CDH2: variants seen among roughly 807,000 people sequenced by gnomAD.
CDH2 encodes the protein cadherin-2.
CDH2 carries 17 observed loss-of-function variants against 92.0 expected under a neutral mutation model. The observed-to-expected ratio is 0.18, with a 90% CI of 0.13 to 0.28. The LOEUF (loss-of-function observed/expected upper bound fraction) is 0.28, where lower values mean the gene tolerates loss of function less well. Among genes scored for constraint, CDH2 ranks in the 10% least tolerant of loss-of-function variants. CDH2 has a pLI of 1.00. For synonymous variants in CDH2, 419 were observed against 415.9 expected (o/e 1.01, Z -0.09); for missense variants, 862 against 1,133.1 (o/e 0.76, Z 3.44).
intron 2 of CDH2, among the ~76,000 whole-genome samples, chr18:28,107,154 G>A (rs1220021): frequency 0.22 from 33,016 of 151,700 alleles, 4,153 homozygotes; most frequent in East Asian, 0.33. Context: ...CAAAATCAAC[G>A]TTAATCATTT....
chr18:28,118,721 T>C (rs931445723), intron 2 of CDH2, among the ~76,000 whole-genome samples: 4 of 152,000 alleles, frequency 2.6e-5, no homozygotes, highest in African/African-American at 9.7e-5. Flanking sequence ...ACTTAGGCCG[T>C]ATACCTTAGT....
chr18:28,078,694 A>G (rs1041453291), intron 2 of CDH2, among the ~76,000 whole-genome samples: 1 of 146,962 alleles, frequency 6.8e-6, no homozygotes, highest in South Asian at 2.1e-4. Context: ...TTTTTTTTGC[A>G]TGAAATACCC....
intron 2 of CDH2, among the ~76,000 whole-genome samples, chr18:28,096,492 C>A: frequency 6.7e-6 from 1 of 149,500 alleles, no homozygotes; most frequent in African/African-American, 2.5e-5. Context: ...TTCTGGAACG[C>A]AATATGAAAA....
At chr18:28,176,722 C>T (rs1464152999) in intron 1 of CDH2, among the ~76,000 whole-genome samples, 1 of 151,914 alleles carries the variant, frequency 6.6e-6, no homozygotes, top group Non-Finnish European at 1.5e-5. Context: ...ACCCGCAATC[C>T]AGCCCCTAGA....
At chr18:28,123,300 CCT>C (rs1038213875) in intron 2 of CDH2, among the ~76,000 whole-genome samples, 10 of 152,072 alleles carry the variant, frequency 6.6e-5, no homozygotes, top group African/African-American at 2.4e-4. Context: ...TGACAGATCA[CCT>C]CTCAGATGCT....
intron 2 of CDH2, among the ~76,000 whole-genome samples, chr18:28,035,569 A>G (rs1289080092): frequency 6.6e-6 from 1 of 152,076 alleles, no homozygotes. Context: ...TTTTAGGAAA[A>G]TTTACTAAGC....
intron 11 of CDH2, among the ~76,000 whole-genome samples, chr18:27,986,874 C>A (rs910479232): frequency 6.6e-6 from 1 of 152,092 alleles, no homozygotes; most frequent in Admixed American, 6.5e-5. Flanking sequence ...TATTACTATA[C>A]TTTTATAACA....
At chr18:28,108,436 T>C (rs987851250) in intron 2 of CDH2, among the ~76,000 whole-genome samples, 9 of 152,260 alleles carry the variant, frequency 5.9e-5, no homozygotes, top group East Asian at 5.8e-4. Flanking sequence ...TTTGTTGAGA[T>C]AGCAAATAGA....
chr18:28,169,808 T>C (rs1389597608), intron 1 of CDH2, among the ~76,000 whole-genome samples: 1 of 152,342 alleles, frequency 6.6e-6, no homozygotes, highest in Admixed American at 6.5e-5. Context: ...ACTATACAAC[T>C]AATTCTCCCA....
At chr18:27,995,198 C>A (rs904235287) in intron 7 of CDH2, among the ~76,000 whole-genome samples, 1 of 150,796 alleles carries the variant, frequency 6.6e-6, no homozygotes, top group Non-Finnish European at 1.5e-5. Context: ...CCTGAAATCC[C>A]AGCTACTCGG....
chr18:28,114,094 T>C (rs1434081267), intron 2 of CDH2, among the ~76,000 whole-genome samples: 1 of 152,006 alleles, frequency 6.6e-6, no homozygotes, highest in East Asian at 1.9e-4. Flanking sequence ...TGTTAAAGGA[T>C]ACAAAATTAC....
At chr18:28,153,975 A>G (rs1415812473) in intron 1 of CDH2, among the ~76,000 whole-genome samples, 1 of 152,144 alleles carries the variant, frequency 6.6e-6, no homozygotes, top group Non-Finnish European at 1.5e-5. Context: ...ACTCATTAAA[A>G]CAGACTCTCA....
intron 2 of CDH2, among the ~76,000 whole-genome samples, chr18:28,041,473 A>C (rs2013945963): frequency 6.6e-6 from 1 of 152,222 alleles, no homozygotes; most frequent in Admixed American, 6.5e-5. Context: ...GCCCGAAATC[A>C]CACTCAAGCC....
chr18:27,933,638 C>T (rs776891414), intron 6 of CDH2, among the ~76,000 whole-genome samples: 1 of 152,180 alleles, frequency 6.6e-6, no homozygotes, highest in Non-Finnish European at 1.5e-5. Flanking sequence ...TGAGGCCCAA[C>T]ATTGTGGCTT....
intron 2 of CDH2, among the ~76,000 whole-genome samples, chr18:28,099,274 A>G (rs2015189161): frequency 6.6e-6 from 1 of 152,180 alleles, no homozygotes; most frequent in African/African-American, 2.4e-5. Context: ...TGTGATACTG[A>G]GAGTTATTTG....
intron 2 of CDH2, among the ~76,000 whole-genome samples, chr18:28,094,710 C>G (rs112693589): frequency 2.8e-5 from 4 of 145,008 alleles, no homozygotes; most frequent in Non-Finnish European, 4.5e-5. Flanking sequence ...AGGAGAATGG[C>G]GTGAACCCGG....
chr18:28,068,093 C>T (rs185756051), intron 2 of CDH2, among the ~76,000 whole-genome samples: 22 of 152,262 alleles, frequency 1.4e-4, no homozygotes, highest in East Asian at 1.4e-3. Flanking sequence ...TCCCTCCCTC[C>T]AATTCTGCCA....
chr18:28,055,530 A>T (rs2014274705), intron 2 of CDH2, among the ~76,000 whole-genome samples: 1 of 152,202 alleles, frequency 6.6e-6, no homozygotes, highest in Non-Finnish European at 1.5e-5. Flanking sequence ...GGCAAATGAA[A>T]AATCTTAATG....
intron 2 of CDH2, among the ~76,000 whole-genome samples, chr18:28,053,946 T>A (rs953790319): frequency 2.0e-5 from 3 of 152,084 alleles, no homozygotes; most frequent in African/African-American, 7.2e-5. Context: ...TCTTTTTGCA[T>A]CGAGCCCCTA....
Sources: gnomAD v4.1 joint callset for allele counts (sites outside exome capture counted in the v4.1 genomes callset) on GRCh38, gnomAD v4.1.1 for gene constraint, MANE v1.5 for transcripts, NCBI Gene and HGNC (gene_info 2026-07-23, HGNC 2026-07-21) for gene names.